SLC16A6: variants seen among roughly 807,000 people sequenced by gnomAD.
SLC16A6 encodes the protein monocarboxylate transporter 7.
A neutral mutation model predicts 33.8 loss-of-function variants in SLC16A6; 15 were observed. The ratio of observed to expected loss-of-function variants is 0.44; its 90% confidence interval spans 0.30 to 0.68. The LOEUF is 0.68. Among genes scored for constraint, SLC16A6 ranks in the 30% least tolerant of loss-of-function variants. The pLI, the probability that SLC16A6 is intolerant of heterozygous loss-of-function variation, is 0.10. For missense variants in SLC16A6, 451 were observed against 661.5 expected, an observed-to-expected ratio of 0.68 and a Z score of 3.49; for synonymous variants, 219 against 248.4, an observed-to-expected ratio of 0.88 and a Z score of 1.11.
chr17:68,286,898 A>C (rs1416498569), intron 1 of SLC16A6, among the ~76,000 whole-genome samples: 1 of 152,260 alleles, frequency 6.6e-6, no homozygotes, highest in Non-Finnish European at 1.5e-5. Flanking sequence ...TAAATGCTAG[A>C]TGGTTCTTGC....
At chr17:68,273,682 C>A (rs1246905081) in intron 3 of SLC16A6, among the ~76,000 whole-genome samples, 1 of 152,054 alleles carries the variant, frequency 6.6e-6, no homozygotes, top group African/African-American at 2.4e-5. Flanking sequence ...GCAAATACAG[C>A]AAAAGAGAAA....
intron 4 of SLC16A6, among the ~76,000 whole-genome samples, chr17:68,272,181 G>A (rs1162935609): frequency 6.6e-6 from 1 of 152,004 alleles, no homozygotes; most frequent in Non-Finnish European, 1.5e-5. Context: ...CAGGTGATCC[G>A]CCCACCTCAG....
chr17:68,283,302 C>T (rs1403568865), intron 1 of SLC16A6, among the ~76,000 whole-genome samples: 14 of 151,740 alleles, frequency 9.2e-5, no homozygotes, highest in African/African-American at 2.7e-4. Context: ...AGGCGAATCA[C>T]GAGGTCAGGA....
Position 68,278,272 on chromosome 17 carries a change from C to T in SLC16A6, c.49G>A (p.Glu17Lys). Residue 17 changes from glutamate (E) to lysine (K), a missense_variant, in exon 2 of 6, where the codon GAA (glutamate) becomes AAA (lysine). Coordinates refer to ENST00000580666, the MANE Select transcript of SLC16A6 (RefSeq NM_004694.5). The part of the protein sequence containing the change: ...KLCSKANVYT[E>K]VPDGGWGWAV... ...CAGCCCCATCCTCCATCAGGCACTTCAGTATACACATTGGCTTTGGAACAA... is the reference window on the plus strand; with the variant it reads ...CAGCCCCATCCTCCATCAGGCACTTTAGTATACACATTGGCTTTGGAACAA... 6.2e-7 allele frequency: 1 copy of T among 1,614,130 alleles called. No individual in the cohort carries two copies. Among genetic ancestry groups the T allele is most frequent in the East Asian group, 2.2e-5 (1 of 44,884 alleles).
intron 1 of SLC16A6, among the ~76,000 whole-genome samples, chr17:68,280,686 A>T (rs1291827085): frequency 6.6e-6 from 1 of 152,260 alleles, no homozygotes; most frequent in African/African-American, 2.4e-5. Context: ...TAAAACTACT[A>T]GAAGAAAACA....
chr17:68,281,530 G>A (rs539745031), intron 1 of SLC16A6, among the ~76,000 whole-genome samples: 78 of 152,206 alleles, frequency 5.1e-4, no homozygotes, highest in African/African-American at 1.6e-3. Context: ...AGCCGAGATC[G>A]TGCCACTGTA....
At chr17:68,285,301 A>C (rs559737801) in intron 1 of SLC16A6, among the ~76,000 whole-genome samples, 4 of 152,142 alleles carry the variant, frequency 2.6e-5, no homozygotes, top group Non-Finnish European at 4.4e-5. Context: ...CAAAACATAT[A>C]GTGATAAAAT....
intron 2 of SLC16A6, chr17:68,274,307 A>C (rs1218441574): frequency 8.3e-6 from 3 of 361,580 alleles, no homozygotes; most frequent in Non-Finnish European, 1.6e-5. Context: ...CTCTACAAAA[A>C]ATACAAAAAT....
intron 1 of SLC16A6, among the ~76,000 whole-genome samples, chr17:68,290,098 G>C (rs1304204402): frequency 6.6e-6 from 1 of 152,176 alleles, no homozygotes; most frequent in Non-Finnish European, 1.5e-5. Flanking sequence ...AAAACAATCA[G>C]ATCACTGAGA....
At chr17:68,278,713 G>A (rs896960083) in intron 1 of SLC16A6, among the ~76,000 whole-genome samples, 7 of 148,830 alleles carry the variant, frequency 4.7e-5, no homozygotes, top group African/African-American at 9.9e-5. Flanking sequence ...TCGGCCTCCC[G>A]GGTTCAAGTG....
intron 1 of SLC16A6, among the ~76,000 whole-genome samples, chr17:68,289,944 T>C (rs2075931585): frequency 1.3e-5 from 2 of 152,222 alleles, no homozygotes; most frequent in African/African-American, 4.8e-5. Flanking sequence ...GTTTCTATTA[T>C]ATCATCTGGC....
At chr17:68,282,418 G>T (rs2075722517) in intron 1 of SLC16A6, among the ~76,000 whole-genome samples, 1 of 151,832 alleles carries the variant, frequency 6.6e-6, no homozygotes, top group South Asian at 2.1e-4. Flanking sequence ...CGAGTTAATG[G>T]GTGCAGCACA....
At chr17:68,284,539 A>C (rs1324446428) in intron 1 of SLC16A6, among the ~76,000 whole-genome samples, 5 of 152,214 alleles carry the variant, frequency 3.3e-5, no homozygotes, top group Non-Finnish European at 7.3e-5. Flanking sequence ...CAAAGTTACT[A>C]AGGCAAAGGT....
intron 5 of SLC16A6, among the ~76,000 whole-genome samples, chr17:68,270,227 T>C (rs1192978786): frequency 1.3e-5 from 2 of 152,088 alleles, no homozygotes; most frequent in Non-Finnish European, 2.9e-5. Context: ...AATCCATGAG[T>C]TCTTGCCTAG....
chr17:68,287,990 C>CTTT (rs542264053), intron 1 of SLC16A6, among the ~76,000 whole-genome samples: 1 of 126,096 alleles, frequency 7.9e-6, no homozygotes, highest in Non-Finnish European at 1.7e-5. Flanking sequence ...TCCCTCCTTT[C>CTTT]TTTTTTTTTT....
Position 68,273,999 on chromosome 17 carries a change from T to C in SLC16A6, c.304A>G (p.Ser102Gly). Residue 102 changes from serine (S) to glycine (G), a missense_variant, in exon 3 of 6, where the codon AGC becomes GGC. This residue lies in a region of SLC16A6 where 405 missense variants were observed against 510.7 expected (regional missense o/e 0.79). Transcript: ENST00000580666. ...AAGGAGGCGGCCACCATCCCGGTGCTGACAAGTAGCCCCCCCAACATCACT... is the reference window on the plus strand; with the variant it reads ...AAGGAGGCGGCCACCATCCCGGTGCCGACAAGTAGCCCCCCCAACATCACT... ...LVVMLGGLLV[S>G]TGMVAASFSQ... The C allele has an allele frequency of 1.2e-6, 2 of 1,614,164 alleles. No individual in the cohort carries two copies. Among genetic ancestry groups the C allele is most frequent in the African/African-American group, 2.7e-5 (2 of 75,042 alleles).
chr17:68,289,002 G>C (rs561515220), intron 1 of SLC16A6, among the ~76,000 whole-genome samples: 3 of 152,084 alleles, frequency 2.0e-5, no homozygotes, highest in African/African-American at 7.2e-5. Context: ...CACAATCCAC[G>C]GGCAGTTTGG....
At chr17:68,272,512 C>T (rs1233067103) in intron 4 of SLC16A6, 127 bp downstream of exon 4, 20 of 1,101,234 alleles carry the variant, frequency 1.8e-5, no homozygotes, top group Admixed American at 2.3e-5. Context: ...GGAGAAGAGA[C>T]GTAAATAACG....
At chr17:68,269,946 T>TA (rs1252724872) in intron 5 of SLC16A6, among the ~76,000 whole-genome samples, 1 of 152,166 alleles carries the variant, frequency 6.6e-6, no homozygotes, top group Non-Finnish European at 1.5e-5. Flanking sequence ...GTGTTGGGAT[T>TA]AGAGGCATGA....
Sources: gnomAD v4.1 joint callset for allele counts (sites outside exome capture counted in the v4.1 genomes callset) on GRCh38, gnomAD v4.1.1 for gene constraint, gnomAD v4.1.1 regional missense constraint, MANE v1.5 for transcripts, NCBI Gene and HGNC (gene_info 2026-07-23, HGNC 2026-07-21) for gene names.